Variants in RBBP8NL observed in about 807,000 individuals in gnomAD.
The protein encoded by RBBP8NL is RBBP8 N-terminal-like protein.
RBBP8NL carries 59 observed loss-of-function variants against 62.2 expected under a neutral mutation model. The ratio of observed to expected loss-of-function variants is 0.95; its 90% confidence interval spans 0.77 to 1.18. RBBP8NL has a LOEUF of 1.18. Among genes scored for constraint, RBBP8NL ranks in the 50% most tolerant of loss-of-function variants. RBBP8NL has a pLI of 0.00. For synonymous variants in RBBP8NL, 412 were observed against 394.1 expected (o/e 1.05, Z -0.54); for missense variants, 896 against 899.5 (o/e 1.00, Z 0.05).
chr20:62,426,198 A>G (rs961517088), intron 1 of RBBP8NL, among the ~76,000 whole-genome samples: 1 of 152,054 alleles, frequency 6.6e-6, no homozygotes, highest in South Asian at 2.1e-4. Flanking sequence ...CGGCAGTGGC[A>G]GTGGCATTAG....
chr20:62,418,354 T>C, intron 3 of RBBP8NL, 69 bp downstream of exon 3: 1 of 1,421,044 alleles, frequency 7.0e-7, no homozygotes, highest in South Asian at 1.2e-5. Flanking sequence ...GCTGGCACAC[T>C]GGGGCTTCAG....
In RBBP8NL at chr20:62,412,715, C is replaced by G. The variant is rs540423937; in HGVS notation, c.1785G>C (p.Thr595=). 2 of 1,610,872 alleles carry G rather than the reference C, an allele frequency of 1.2e-6. No homozygotes were observed. The highest frequency in any genetic ancestry group is 1.7e-6 in the Non-Finnish European group (2 of 1,179,966). The change falls in exon 13 of 14, where the codon ACG becomes ACC. Residue 595 remains threonine, a synonymous_variant. Coordinates refer to ENST00000252998, the MANE Select transcript of RBBP8NL (RefSeq NM_080833.3). ...LSSQAEATTS[T]TGEGPECICT... Reference sequence around the variant, plus strand: ...AGATGCACTCAGGCCCCTCCCCGGTCGTGCTCGTAGTGGCCTCCGCCTGGG... The same window carrying G: ...AGATGCACTCAGGCCCCTCCCCGGTGGTGCTCGTAGTGGCCTCCGCCTGGG...
At position 62,415,264 on chromosome 20, in the gene RBBP8NL, C is replaced by A; in HGVS notation, c.651G>T (p.Gln217His). The A allele has an allele frequency of 6.4e-7, 1 of 1,572,668 alleles. No homozygotes were observed. The highest frequency in any genetic ancestry group is 8.6e-7 in the Non-Finnish European group (1 of 1,165,746). ...GCACCACGGCAATGGTCCCGTGCAG[C>A]TGGTTGGAGATGCGCTGGGGGCTCT... ...PDMSPQRISN[Q>H]LHGTIAVVRP... Residue 217 changes from glutamine to histidine, a missense_variant, in exon 9 of 14, where the codon CAG (glutamine) becomes CAT (histidine). Physicochemically the swap from Gln to His is conservative, Grantham distance 24. Transcript: ENST00000252998.
At chr20:62,426,967 C>T (rs930408970) in intron 1 of RBBP8NL, among the ~76,000 whole-genome samples, 3 of 152,214 alleles carry the variant, frequency 2.0e-5, no homozygotes, top group Admixed American at 2.0e-4. Context: ...GGGGGTTGAG[C>T]AAGGCCCGCC....
chr20:62,414,256 C>T lies in RBBP8NL; in HGVS notation c.1095G>A (p.Arg365=). The T allele has an allele frequency of 6.3e-7, 1 of 1,592,566 alleles. No homozygotes were observed. The highest frequency in any genetic ancestry group is 1.7e-4 in the Middle Eastern group (1 of 6,004). ...TGACACTGCCTGCCCTGGCCCTAGCCCGCAGCTGCTGCTGGGCCAGGAGCA... is the reference window on the plus strand; with the variant it reads ...TGACACTGCCTGCCCTGGCCCTAGCTCGCAGCTGCTGCTGGGCCAGGAGCA... The part of the protein sequence containing the change: ...LHLLLAQQQL[R]ARARAGSVRP... The change falls in exon 10 of 14, where the codon CGG becomes CGA. Residue 365 remains arginine, a synonymous_variant. Transcript: ENST00000252998.
chr20:62,418,369 A>T, intron 3 of RBBP8NL, 54 bp downstream of exon 3: 1 of 1,488,230 alleles, frequency 6.7e-7, no homozygotes. Flanking sequence ...CTTCAGGGGG[A>T]TGAAGTGGCC....
Position 62,413,360 on chromosome 20 carries a change from A to T in RBBP8NL, c.1675+41T>A, listed in dbSNP as rs370398052. ...ACCACCCTCTCTCTCCGTGGGGAAA[A>T]CACCTCCCAGCTGGACTCTGACCCC... On this transcript the variant is annotated intron_variant, in intron 11 of 13. Transcript: ENST00000252998. 92 of 1,374,892 alleles carry T rather than the reference A, an allele frequency of 6.7e-5. No individual in the cohort carries two copies. In the African/African-American group the frequency reaches 1.2e-3, roughly 17 times the overall value. 85.2% of individuals were successfully genotyped at this position (1,374,892 alleles called of 1,614,324 possible).
rs866702767 is a variant in RBBP8NL at position 62,414,221 on chromosome 20, C to T, written c.1130G>A (p.Gly377Asp). ...RARAGSVRPR[G>D]QPTPGEMLPS... ...CAGCATCTCCCCGGGTGTGGGCTGGCCCCTTGGCCTGACACTGCCTGCCCT... is the reference window on the plus strand; with the variant it reads ...CAGCATCTCCCCGGGTGTGGGCTGGTCCCTTGGCCTGACACTGCCTGCCCT... The change falls in exon 10 of 14, where the codon GGC (glycine) becomes GAC (aspartate). Residue 377 changes from glycine to aspartate, a missense_variant. Transcript: ENST00000252998. 1.9e-6 allele frequency: 3 copies of T among 1,604,202 alleles called. No homozygotes were observed. Among genetic ancestry groups the T allele is most frequent in the African/African-American group, 2.7e-5 (2 of 74,856 alleles).
rs755309797 is a variant in RBBP8NL at position 62,416,779 on chromosome 20, C to T, written c.294G>A (p.Leu98=). The T allele has an allele frequency of 2.5e-6, 4 of 1,587,796 alleles. No individual in the cohort carries two copies. Among genetic ancestry groups the T allele is most frequent in the South Asian group, 2.3e-5 (2 of 87,358 alleles). ...GCTCACTGAGGATGAAGATGCGCTG[C>T]AGGTTCTGCAGGTGGGAGCTCTCGA... The part of the protein sequence containing the change: ...QEFESSHLQN[L]QRIFILTNEM... The change falls in exon 5 of 14, where the codon CTG becomes CTA. Residue 98 remains leucine (L), a synonymous_variant. Coordinates refer to ENST00000252998, the MANE Select transcript of RBBP8NL (RefSeq NM_080833.3).
chr20:62,423,034 G>T (rs899518745), intron 1 of RBBP8NL, among the ~76,000 whole-genome samples: 1 of 152,092 alleles, frequency 6.6e-6, no homozygotes, highest in African/African-American at 2.4e-5. Context: ...CTGGTGGGAG[G>T]CTGGGAGGGA....
chr20:62,419,764 C>T (rs1430751490), intron 1 of RBBP8NL, 34 bp from the exon 2 acceptor site: 2 of 1,129,708 alleles, frequency 1.8e-6, no homozygotes, highest in Middle Eastern at 2.0e-4. Context: ...GGGATCCGCT[C>T]AGGAAGGGCT....
At chr20:62,420,350 G>GCACACACACA (rs55946617) in intron 1 of RBBP8NL, among the ~76,000 whole-genome samples, 5 of 129,768 alleles carry the variant, frequency 3.9e-5, no homozygotes, top group Non-Finnish European at 6.7e-5. Flanking sequence ...TGTCCCACAG[G>GCACACACACA]CACACACACA....
At position 62,412,668 on chromosome 20, in the gene RBBP8NL, C is replaced by A. The variant is rs368291045; in HGVS notation, c.1832G>T (p.Gly611Val). 26 of 1,607,976 alleles carry A rather than the reference C, an allele frequency of 1.6e-5. No homozygotes were observed. The African/African-American group carries it at 3.5e-4, about 21-fold the overall frequency. The change falls in exon 13 of 14, where the codon GGT becomes GTT. Residue 611 changes from glycine (G) to valine (V), a missense_variant. Transcript: ENST00000252998. Reference protein sequence around the residue: ...ECICTQEHGQGPPRKRKRASE... With the variant: ...ECICTQEHGQVPPRKRKRASE... ...GGCCCGCTTCCTCTTCCGTGGTGGACCCTGCCCGTGCTCCTGGGTGCAGAT... is the reference window on the plus strand; with the variant it reads ...GGCCCGCTTCCTCTTCCGTGGTGGAACCTGCCCGTGCTCCTGGGTGCAGAT...
At chr20:62,419,757 A>G in intron 1 of RBBP8NL, 27 bp from the exon 2 acceptor site, 1 of 1,224,854 alleles carries the variant, frequency 8.2e-7, no homozygotes, top group Admixed American at 1.9e-5. Flanking sequence ...GGGGACAGGG[A>G]TCCGCTCAGG....
In RBBP8NL at chr20:62,412,886, C is replaced by T. The variant is rs1443753774; in HGVS notation, c.1690G>A (p.Glu564Lys). 1.2e-6 allele frequency: 2 copies of T among 1,613,374 alleles called. No homozygotes were observed. The highest frequency in any genetic ancestry group is 1.3e-5 in the African/African-American group (1 of 75,072). ...LDGHPEPSKA[E>K]VLRPESDELD... ...TCGTCGGACTCTGGTCTCAGCACTTCAGCCTTGCTGGGCTCTGAAGGATGC... is the reference window on the plus strand; with the variant it reads ...TCGTCGGACTCTGGTCTCAGCACTTTAGCCTTGCTGGGCTCTGAAGGATGC... Residue 564 changes from glutamate (E) to lysine (K), a missense_variant, in exon 12 of 14, where the codon GAA becomes AAA. Physicochemically the swap from Glu to Lys is moderately conservative, Grantham distance 56. Coordinates refer to ENST00000252998, the MANE Select transcript of RBBP8NL (RefSeq NM_080833.3).
chr20:62,415,597 T>C lies in RBBP8NL; in HGVS notation c.608A>G (p.Glu203Gly). 1 of 1,612,822 alleles carries C rather than the reference T, an allele frequency of 6.2e-7. No individual in the cohort carries two copies. The highest frequency in any genetic ancestry group is 8.5e-7 in the Non-Finnish European group (1 of 1,179,906). Residue 203 changes from glutamate (E) to glycine (G), a missense_variant, in exon 8 of 14, where the codon GAG becomes GGG. By Grantham distance (98) the Glu-to-Gly change is moderately conservative (BLOSUM62 -2). Transcript: ENST00000252998. ...AKISPGATLP[E>G]SRAPDMSPQR... Reference sequence around the variant, plus strand: ...CCTTACCATGTCTGGGGCTCGCGACTCAGGCAGGGTGGCCCCTGGGGAGAT... The same window carrying C: ...CCTTACCATGTCTGGGGCTCGCGACCCAGGCAGGGTGGCCCCTGGGGAGAT...
At chr20:62,412,131 C>T (rs1176693134) in intron 13 of RBBP8NL, among the ~76,000 whole-genome samples, 4 of 152,350 alleles carry the variant, frequency 2.6e-5, no homozygotes, top group Admixed American at 1.3e-4. Flanking sequence ...ACACTGGAGC[C>T]GTCCGCAATT....
intron 3 of RBBP8NL, 87 bp from the exon 4 acceptor site, chr20:62,417,406 G>A (rs529247862): frequency 2.0e-4 from 215 of 1,071,716 alleles, no homozygotes; most frequent in African/African-American, 1.3e-3. Flanking sequence ...GGGGCAGCGC[G>A]ATTCGGCACC....
Position 62,417,261 on chromosome 20 carries a change from T to C in RBBP8NL, c.163A>G (p.Lys55Glu). The change falls in exon 4 of 14, where the codon AAG becomes GAG. Residue 55 changes from lysine (K) to glutamate (E), a missense_variant. By Grantham distance (56) the Lys-to-Glu change is moderately conservative (BLOSUM62 1). Coordinates refer to ENST00000252998, the MANE Select transcript of RBBP8NL (RefSeq NM_080833.3). ...SKNHQLREQQ[K>E]TLKENLRVLE... is the part of the protein sequence containing the mutation. ...ACCCGCAGGTTCTCCTTCAGTGTCT[T>C]CTGCTGTTCCCGGAGCTGGTGGTTC... 1 of 1,607,122 alleles carries C rather than the reference T, an allele frequency of 6.2e-7. No homozygotes were observed. Among genetic ancestry groups the C allele is most frequent in the Non-Finnish European group, 8.5e-7 (1 of 1,176,926 alleles).
Sources: gnomAD v4.1 joint callset for allele counts (sites outside exome capture counted in the v4.1 genomes callset) on GRCh38, gnomAD v4.1.1 for gene constraint, MANE v1.5 for transcripts, NCBI Gene and HGNC (gene_info 2026-07-23, HGNC 2026-07-21) for gene names.